Variants in HIPK2 observed in about 807,000 individuals in gnomAD.
HIPK2 encodes the protein homeodomain interacting protein kinase 2.
Under a neutral mutation model 113.7 loss-of-function variants are expected in HIPK2, and 27 were observed. That is an observed-to-expected ratio of 0.24 (90% CI 0.17 to 0.33). HIPK2 has a LOEUF of 0.33. Ranked by LOEUF, HIPK2 falls within the 10% of genes least tolerant of loss-of-function variation. HIPK2 has a pLI of 1.00. For missense variants in HIPK2, 1,257 were observed against 1,588.0 expected, an observed-to-expected ratio of 0.79 and a Z score of 3.54; for synonymous variants, 631 against 642.2, an observed-to-expected ratio of 0.98 and a Z score of 0.26.
chr7:139,752,453 G>A (rs1227035521), intron 1 of HIPK2, among the ~76,000 whole-genome samples: 1 of 152,122 alleles, frequency 6.6e-6, no homozygotes, highest in African/African-American at 2.4e-5. Flanking sequence ...CAACGTGTCT[G>A]CATGTGATTT....
chr7:139,741,289 G>A (rs2117078791), intron 1 of HIPK2, among the ~76,000 whole-genome samples: 1 of 152,208 alleles, frequency 6.6e-6, no homozygotes, highest in East Asian at 1.9e-4. Context: ...ATCCATGTGT[G>A]CGCCCTGGGG....
rs369696118 is a variant in HIPK2, at chr7:139,626,371, A to G, written c.1619+230T>C. 1.1e-4 allele frequency among the ~76,000 whole-genome samples: 17 copies of G among 151,896 alleles called. No individual in the cohort carries two copies. In the East Asian group the frequency reaches 3.1e-3, roughly 28 times the overall value. On this transcript the variant is annotated intron_variant, in intron 6 of 14. Coordinates refer to ENST00000406875, the MANE Select transcript of HIPK2 (RefSeq NM_022740.5). ...ACCTGCCTGGGCCTCCCAAAGTGCT[A>G]GGATTACAGGCATGAGACACCACGC...
Position 139,716,122 on chromosome 7 carries a change from G to A in HIPK2, c.913C>T (p.Leu305Phe). Residue 305 changes from leucine (L) to phenylalanine (F), a missense_variant, in exon 2 of 15, where the codon CTC becomes TTC. Transcript: ENST00000406875. This position sits in a 1 kb window ranked among gnomAD's most constrained non-coding sequence, Gnocchi z 9.3. ...ATCAGGGCTGTGGCTACCTGCTGGA[G>A]AACTGGGCGAATGTATTTGAGGGGC... is the stretch of plus-strand genomic sequence containing the variant. ...PLPLKYIRPV[L>F]QQVATALMKL... 1.2e-6 allele frequency: 2 copies of A among 1,614,074 alleles called. No individual in the cohort carries two copies. The highest frequency in any genetic ancestry group is 1.7e-6 in the Non-Finnish European group (2 of 1,179,942).
intron 12 of HIPK2, among the ~76,000 whole-genome samples, chr7:139,592,393 T>G (rs888096518): frequency 2.0e-5 from 3 of 152,238 alleles, no homozygotes; most frequent in African/African-American, 7.2e-5. Context: ...CTGGACAAAA[T>G]CATTTCTATA....
At chr7:139,707,352 T>C (rs1312192124) in intron 2 of HIPK2, among the ~76,000 whole-genome samples, 3 of 152,256 alleles carry the variant, frequency 2.0e-5, no homozygotes, top group Admixed American at 2.0e-4. Context: ...GGCCGTGGGT[T>C]TGCTGGCTTC....
intron 9 of HIPK2, among the ~76,000 whole-genome samples, chr7:139,605,877 A>C (rs2356073): frequency 0.026 from 3,929 of 152,338 alleles, 172 homozygotes; most frequent in African/African-American, 0.09. Flanking sequence ...TAATTGATTA[A>C]AACAGTTGCA....
rs770247779 is a variant in HIPK2, at chr7:139,613,255, T to C, written c.2059A>G (p.Thr687Ala). Residue 687 changes from threonine to alanine, a missense_variant, in exon 9 of 15, where the codon ACT becomes GCT. Thr to Ala is a moderately conservative substitution (Grantham distance 58, BLOSUM62 0). Around this residue, in one of 5 missense-constraint regions of HIPK2, gnomAD observed 862 missense variants for 1,004.3 expected, o/e 0.86. Transcript: ENST00000406875. This position sits in a 1 kb window ranked among gnomAD's most constrained non-coding sequence, Gnocchi z 4.2. ...VRMENAVPIV[T>A]QAPGAQPLQI... is the part of the protein sequence containing the mutation. ...AGAGGCTGAGCTCCTGGGGCTTGAG[T>C]GACGATGGGAACTGCATTTTCCATT... 4 of 1,613,754 alleles carry C rather than the reference T, an allele frequency of 2.5e-6. No individual in the cohort carries two copies. Among genetic ancestry groups the C allele is most frequent in the Non-Finnish European group, 3.4e-6 (4 of 1,179,834 alleles).
intron 1 of HIPK2, among the ~76,000 whole-genome samples, chr7:139,748,710 T>G (rs1236235822): frequency 6.6e-6 from 1 of 152,004 alleles, no homozygotes; most frequent in East Asian, 1.9e-4. Flanking sequence ...ACATCTGCAA[T>G]GACCCTATTT....
At chr7:139,597,353 A>G (rs1449587338) in intron 11 of HIPK2, among the ~76,000 whole-genome samples, 1 of 152,214 alleles carries the variant, frequency 6.6e-6, no homozygotes, top group African/African-American at 2.4e-5. Flanking sequence ...CCTCGCCTTC[A>G]GGGTCAAGGC....
chr7:139,720,904 C>G (rs7785226), intron 1 of HIPK2, among the ~76,000 whole-genome samples: 1 of 152,114 alleles, frequency 6.6e-6, no homozygotes, highest in East Asian at 1.9e-4. Flanking sequence ...GTCCACGGTG[C>G]AGAAGTGGAA....
intron 2 of HIPK2, among the ~76,000 whole-genome samples, chr7:139,634,151 TAG>T (rs1387503244): frequency 1.3e-5 from 2 of 151,892 alleles, no homozygotes; most frequent in African/African-American, 4.8e-5. Context: ...TCCTCACAAC[TAG>T]AGACTGGGTA....
chr7:139,616,176 C>A (rs1183984809), intron 7 of HIPK2, among the ~76,000 whole-genome samples: 3 of 152,172 alleles, frequency 2.0e-5, no homozygotes, highest in Non-Finnish European at 4.4e-5. Flanking sequence ...CCAGCCACTG[C>A]TCCTGCTGCT....
At chr7:139,694,827 A>G (rs1407791097) in intron 2 of HIPK2, among the ~76,000 whole-genome samples, 4 of 152,332 alleles carry the variant, frequency 2.6e-5, no homozygotes, top group Middle Eastern at 3.4e-3. Flanking sequence ...AGGACAGGTG[A>G]CTGGCAACCA....
At chr7:139,703,658 C>T (rs943030695) in intron 2 of HIPK2, among the ~76,000 whole-genome samples, 6 of 151,562 alleles carry the variant, frequency 4.0e-5, no homozygotes, top group Non-Finnish European at 8.8e-5. Context: ...TGGATACACA[C>T]ACAGCAGCAC....
chr7:139,680,547 A>T lies in HIPK2; in HGVS notation c.1103+35385T>A, dbSNP rs1200626884. On this transcript the variant is annotated intron_variant, in intron 2 of 14. Transcript: ENST00000406875. ...TTTTCAAAACTACAGGGCTTGGCAG[A>T]CATGGGTACTGAATGTCCCCAGGAA... Among the ~76,000 whole-genome samples the T allele has an allele frequency of 2.0e-5, 3 of 152,364 alleles. No individual in the cohort carries two copies. The East Asian group carries it at 5.8e-4, about 29-fold the overall frequency.
intron 10 of HIPK2, among the ~76,000 whole-genome samples, chr7:139,602,098 G>A (rs528133405): frequency 1.3e-5 from 2 of 151,880 alleles, no homozygotes; most frequent in African/African-American, 2.4e-5. Context: ...GATTACAGGC[G>A]TGCACTGCCA....
intron 12 of HIPK2, among the ~76,000 whole-genome samples, chr7:139,588,884 G>A (rs1433728181): frequency 1.3e-5 from 2 of 152,210 alleles, no homozygotes; most frequent in African/African-American, 4.8e-5. Flanking sequence ...AGCCATGACT[G>A]GGAGCAGCTG....
Position 139,626,676 on chromosome 7 carries a change from C to A in HIPK2, c.1544G>T (p.Arg515Ile). The A allele has an allele frequency of 6.2e-7, 1 of 1,613,940 alleles. No individual in the cohort carries two copies. Among genetic ancestry groups the A allele is most frequent in the Non-Finnish European group, 8.5e-7 (1 of 1,179,882 alleles). The stretch of plus-strand genomic sequence containing the variant: ...GTTCAGGGTTTCGATTGGAGTGATT[C>A]TCTTGTCAGCATCAATGGTCAGCAT... ...KKMLTIDADK[R>I]ITPIETLNHP... The change falls in exon 6 of 15, where the codon AGA (arginine) becomes ATA (isoleucine). Residue 515 changes from arginine (R) to isoleucine (I), a missense_variant. This residue lies in a region of HIPK2 where 862 missense variants were observed against 1,004.3 expected (regional missense o/e 0.86). Transcript: ENST00000406875.
intron 1 of HIPK2, among the ~76,000 whole-genome samples, chr7:139,757,979 C>T (rs1489577308): frequency 1.3e-5 from 2 of 152,202 alleles, no homozygotes; most frequent in African/African-American, 2.4e-5. Context: ...ATACAGAAAA[C>T]TTTTATACAT....
Sources: gnomAD v4.1 joint callset for allele counts (sites outside exome capture counted in the v4.1 genomes callset) on GRCh38, gnomAD v4.1.1 for gene constraint, gnomAD v4.1.1 regional missense constraint, Gnocchi (gnomAD v3.1) non-coding constraint, MANE v1.5 for transcripts, NCBI Gene and HGNC (gene_info 2026-07-23, HGNC 2026-07-21) for gene names.